TULP2: variants seen among roughly 807,000 people sequenced by gnomAD.
The protein encoded by TULP2 is tubby-related protein 2.
In TULP2, 64 loss-of-function variants were observed where a neutral mutation model predicts 60.3. The ratio of observed to expected loss-of-function variants is 1.06; its 90% CI spans 0.87 to 1.31. The LOEUF is 1.31. Ranked by LOEUF, TULP2 falls within the 50% of genes most tolerant of loss-of-function variation. The pLI is 0.00. For synonymous variants in TULP2, 267 were observed against 265.4 expected (o/e 1.01, Z -0.06); for missense variants, 652 against 667.0 (o/e 0.98, Z 0.25).
rs548585321 is a variant in TULP2 at position 48,886,313 on chromosome 19, A to C, written c.949-753T>G. 2.4e-3 allele frequency among the ~76,000 whole-genome samples: 371 copies of C among 151,986 alleles called. 2 individuals are homozygous for C. Among genetic ancestry groups the C allele is most frequent in the African/African-American group, 8.3e-3 (345 of 41,464 alleles). On this transcript the variant is annotated intron_variant, in intron 8 of 12. Transcript: ENST00000221399. Reference sequence around the variant, plus strand: ...GACTACGTCTCAAAAAAAAAAAAAAAAGACTTACTGGGAAATGTGGTTCTC... The same window carrying C: ...GACTACGTCTCAAAAAAAAAAAAAACAGACTTACTGGGAAATGTGGTTCTC...
chr19:48,891,710 T>C (rs934436981), intron 6 of TULP2, among the ~76,000 whole-genome samples: 3 of 152,056 alleles, frequency 2.0e-5, no homozygotes, highest in African/African-American at 4.8e-5. Flanking sequence ...GGAAGAAAAG[T>C]GGGCCCAGGG....
chr19:48,890,649 G>A (rs749131950), intron 6 of TULP2, among the ~76,000 whole-genome samples: 1 of 152,158 alleles, frequency 6.6e-6, no homozygotes, highest in Non-Finnish European at 1.5e-5. Flanking sequence ...TGGATCCCAG[G>A]AGTGTGGGAC....
At chr19:48,886,900 G>T (rs1391710172) in intron 8 of TULP2, among the ~76,000 whole-genome samples, 1 of 144,706 alleles carries the variant, frequency 6.9e-6, no homozygotes, top group Non-Finnish European at 1.5e-5. Context: ...TTTTTGTAGA[G>T]ACAGGGTTCC....
intron 11 of TULP2, 84 bp downstream of exon 11, chr19:48,883,667 CTCT>C (rs766571840): frequency 2.2e-5 from 32 of 1,478,894 alleles, no homozygotes; most frequent in East Asian, 4.6e-5. Flanking sequence ...CCTCTTCCTC[CTCT>C]TCTTCTTCCT....
intron 11 of TULP2, 62 bp from the exon 12 acceptor site, chr19:48,882,265 G>C: frequency 6.3e-7 from 1 of 1,589,672 alleles, no homozygotes; most frequent in Middle Eastern, 1.7e-4. Flanking sequence ...TCTTGAACAG[G>C]GGCGACTCCA....
intron 6 of TULP2, among the ~76,000 whole-genome samples, chr19:48,890,415 C>T (rs1418025097): frequency 6.6e-6 from 1 of 152,202 alleles, no homozygotes; most frequent in Non-Finnish European, 1.5e-5. Flanking sequence ...CGGAGAAACA[C>T]CCACAAATGA....
At chr19:48,891,580 G>A (rs56145802) in intron 6 of TULP2, among the ~76,000 whole-genome samples, 2 of 152,148 alleles carry the variant, frequency 1.3e-5, no homozygotes, top group East Asian at 1.9e-4. Context: ...GCAGTGAGCC[G>A]AGATCGTGCC....
In TULP2 at chr19:48,882,160, T is replaced by C. The variant is rs755320806; in HGVS notation, c.1319A>G (p.Gln440Arg). 1 of 1,614,228 alleles carries C rather than the reference T, an allele frequency of 6.2e-7. No homozygotes were observed. Among genetic ancestry groups the C allele is most frequent in the Non-Finnish European group, 8.5e-7 (1 of 1,180,042 alleles). The change falls in exon 12 of 13, where the codon CAA becomes CGA. Residue 440 changes from glutamine (Q) to arginine (R), a missense_variant. Coordinates refer to ENST00000221399, the MANE Select transcript of TULP2 (RefSeq NM_003323.3). ...LLSRYQRGDK[Q>R]GLLLLHNKTP... ...TTTGTTGTGCAACAAAAGCAACCCTTGTTTGTCCCCACGTTGGTAACGACT... is the reference window on the plus strand; with the variant it reads ...TTTGTTGTGCAACAAAAGCAACCCTCGTTTGTCCCCACGTTGGTAACGACT...
Position 48,897,246 on chromosome 19 carries a change from A to T in TULP2, c.84+99T>A, listed in dbSNP as rs1600034299. ...AAAACTCAAGGATGAGAGACAGCCAACACGGGCTGGGAGTCCTAGAGCAAG... is the reference window on the plus strand; with the variant it reads ...AAAACTCAAGGATGAGAGACAGCCATCACGGGCTGGGAGTCCTAGAGCAAG... On this transcript the variant is annotated intron_variant, in intron 3 of 12. Transcript: ENST00000221399. This position sits in a 1 kb window ranked among gnomAD's most constrained non-coding sequence, Gnocchi z 4.0. 4.5e-6 allele frequency: 6 copies of T among 1,331,402 alleles called. No individual in the cohort carries two copies. The East Asian group carries it at 1.2e-4, about 27-fold the overall frequency. 82.5% of individuals were successfully genotyped at this position (1,331,402 alleles called of 1,614,324 possible).
At chr19:48,894,725 G>A (rs1055718836) in intron 6 of TULP2, among the ~76,000 whole-genome samples, 9 of 152,052 alleles carry the variant, frequency 5.9e-5, no homozygotes, top group Admixed American at 2.6e-4. Context: ...CAGTATATGG[G>A]GGGATGTTCA....
intron 11 of TULP2, among the ~76,000 whole-genome samples, chr19:48,883,345 T>C (rs2037151810): frequency 6.6e-6 from 1 of 151,638 alleles, no homozygotes; most frequent in Non-Finnish European, 1.5e-5. Flanking sequence ...AATCAAGAAA[T>C]AACCATAAAA....
At chr19:48,884,684 T>G (rs1221855390) in intron 9 of TULP2, among the ~76,000 whole-genome samples, 99 of 151,226 alleles carry the variant, frequency 6.5e-4, no homozygotes, top group African/African-American at 2.2e-3. Flanking sequence ...GCAGGAGAAT[T>G]GCTTGAACCT....
chr19:48,889,542 CA>C lies in TULP2; in HGVS notation c.603del (p.Asp202ThrfsTer41). On this transcript the variant is annotated frameshift_variant, in exon 7 of 13. Transcript: ENST00000221399. LOFTEE classifies it high-confidence loss of function. ...AAGGCCAAGTTTTCATATACACAGT[CA>C]CCATCCATTCCAGGGTTTGGTCCCA... is the stretch of plus-strand genomic sequence containing the variant. ...PNMGPNPGMD[G>X]DCVYENLAFQ... is the part of the protein sequence containing the mutation. 7 of 1,583,804 alleles carry C rather than the reference CA, an allele frequency of 4.4e-6. No homozygotes were observed. The highest frequency in any genetic ancestry group is 6.1e-6 in the Non-Finnish European group (7 of 1,155,946).
chr19:48,888,456 C>T lies in TULP2; in HGVS notation c.637-195G>A, dbSNP rs367666970. On this transcript the variant is annotated intron_variant, in intron 7 of 12. Coordinates refer to ENST00000221399, the MANE Select transcript of TULP2 (RefSeq NM_003323.3). ...CCAGTCTATTCGCTTTCCTCTGCAG[C>T]CACACGCATTCCACCTGCTGATTGG... Among the ~76,000 whole-genome samples the T allele has an allele frequency of 1.6e-4, 25 of 152,286 alleles. No homozygotes were observed. The East Asian group carries it at 4.2e-3, about 26-fold the overall frequency.
chr19:48,896,360 C>A, intron 4 of TULP2, 70 bp downstream of exon 4: 1 of 1,505,012 alleles, frequency 6.6e-7, no homozygotes, highest in Non-Finnish European at 8.8e-7. Context: ...CCTTCATCCA[C>A]TAGGCCCCGC....
At position 48,897,417 on chromosome 19, in the gene TULP2, T is replaced by C. The variant is rs2122146492; in HGVS notation, c.33-21A>G. On this transcript the variant is annotated intron_variant, in intron 2 of 12. Coordinates refer to ENST00000221399, the MANE Select transcript of TULP2 (RefSeq NM_003323.3). The surrounding 1 kb of genome is among the most constrained non-coding windows in gnomAD (Gnocchi z 4.0). ...GGATGCTGAGAGAGACACAGGCCCA[T>C]GGTGACAGTGCACAGGGAACCTCGG... 1 of 1,613,152 alleles carries C rather than the reference T, an allele frequency of 6.2e-7. No homozygotes were observed. The highest frequency in any genetic ancestry group is 1.1e-5 in the South Asian group (1 of 90,846).
chr19:48,896,344 T>A, intron 4 of TULP2, 86 bp downstream of exon 4: 1 of 1,454,926 alleles, frequency 6.9e-7, no homozygotes, highest in African/African-American at 1.5e-5. Context: ...ACCCTAAGGC[T>A]CCACCCCTTC....
At chr19:48,881,808 G>A (rs981823093) in intron 12 of TULP2, among the ~76,000 whole-genome samples, 1 of 152,136 alleles carries the variant, frequency 6.6e-6, no homozygotes, top group Non-Finnish European at 1.5e-5. Context: ...GGGAGCTACC[G>A]CGCCAGGCCG....
rs58640342 is a variant in TULP2, at chr19:48,887,311, C to CTTTTTTTTTTTTTTTT, written c.948+623_948+638dup. Among the ~76,000 whole-genome samples, 57 of 39,376 alleles carry CTTTTTTTTTTTTTTTT rather than the reference C, an allele frequency of 1.4e-3. 13 individuals carry two copies. Among genetic ancestry groups the CTTTTTTTTTTTTTTTT allele is most frequent in the Non-Finnish European group, 2.5e-3 (48 of 19,332 alleles). The allele number at this position is 39,376 out of a possible 152,430, so 25.8% of individuals were successfully genotyped here. A position where few individuals can be genotyped will look rare whatever the true frequency, so the allele number is the denominator to read the frequency against. ...CAAGTGTGAGCCACCGCGCCCAGCCCTTTTTTTTTTTTTTTTTTTTTTTTT... is the reference window on the plus strand; with the variant it reads ...CAAGTGTGAGCCACCGCGCCCAGCCCTTTTTTTTTTTTTTTTTTTTTTTTTTTTTTTTTTTTTTTTT... On this transcript the variant is annotated intron_variant, in intron 8 of 12. Transcript: ENST00000221399.
Sources: allele counts gnomAD v4.1 joint callset (sites outside exome capture counted in the v4.1 genomes callset), GRCh38; gene constraint gnomAD v4.1.1; non-coding constraint Gnocchi (gnomAD v3.1); transcripts MANE v1.5; gene names NCBI Gene and HGNC (gene_info 2026-07-23, HGNC 2026-07-21).